Variants in TMEM163 observed in about 807,000 individuals in gnomAD.
The protein encoded by TMEM163 is transmembrane protein 163.
Under a neutral mutation model 29.3 loss-of-function variants are expected in TMEM163, and 17 were observed. The ratio of observed to expected loss-of-function variants is 0.58; its 90% CI spans 0.40 to 0.87. TMEM163 has a LOEUF of 0.87. Among genes scored for constraint, TMEM163 ranks in the 40% least tolerant of loss-of-function variants. TMEM163 has a pLI of 0.00. For synonymous variants in TMEM163, 157 were observed against 160.6 expected, an observed-to-expected ratio of 0.98 and a Z score of 0.17; for missense variants, 303 against 381.5, an observed-to-expected ratio of 0.79 and a Z score of 1.71.
At chr2:134,507,856 CACACACACACACACACAG>C (rs1221555172) in intron 4 of TMEM163, among the ~76,000 whole-genome samples, 1 of 144,720 alleles carries the variant, frequency 6.9e-6, no homozygotes, top group African/African-American at 2.5e-5. Context: ...GACCCTGTCT[CACACACACACACACACAG>C]ACACACACAC....
chr2:134,715,509 G>T (rs1472554172), intron 1 of TMEM163, among the ~76,000 whole-genome samples: 1 of 152,286 alleles, frequency 6.6e-6, no homozygotes, highest in South Asian at 2.1e-4. Context: ...AAAAATGGAA[G>T]GACTTTCCCA....
At chr2:134,648,302 C>CT (rs1683381581) in intron 2 of TMEM163, among the ~76,000 whole-genome samples, 1 of 142,802 alleles carries the variant, frequency 7.0e-6, no homozygotes, top group Non-Finnish European at 1.5e-5. Context: ...CTCACTGCTT[C>CT]TCCTCTTCTC....
At chr2:134,546,445 C>A (rs986146193) in intron 4 of TMEM163, among the ~76,000 whole-genome samples, 3 of 152,176 alleles carry the variant, frequency 2.0e-5, no homozygotes, top group Admixed American at 2.0e-4. Context: ...AGTTCAAGAC[C>A]AGCCTGGCCA....
At chr2:134,594,620 A>G (rs535964516) in intron 2 of TMEM163, among the ~76,000 whole-genome samples, 1 of 152,350 alleles carries the variant, frequency 6.6e-6, no homozygotes, top group South Asian at 2.1e-4. Flanking sequence ...GCAGAACTGT[A>G]GATCAGGGAG....
intron 2 of TMEM163, among the ~76,000 whole-genome samples, chr2:134,584,363 T>C (rs1156261560): frequency 6.6e-6 from 1 of 152,156 alleles, no homozygotes; most frequent in Non-Finnish European, 1.5e-5. Flanking sequence ...AGCCATGGTG[T>C]CTGAAGCAAC....
In TMEM163 at chr2:134,545,071, T is replaced by C. The variant is rs572347663; in HGVS notation, c.458+5499A>G. 2.4e-4 allele frequency among the ~76,000 whole-genome samples: 37 copies of C among 152,304 alleles called. No individual in the cohort carries two copies. The South Asian group carries it at 3.9e-3, about 16-fold the overall frequency. On this transcript the variant is annotated intron_variant, in intron 4 of 7. Transcript: ENST00000281924. The stretch of plus-strand genomic sequence containing the variant: ...AGTGTGTGTGGATGCAAACCTCTTT[T>C]GTTAAAACAAATGAGAAAAAACCAC...
chr2:134,574,540 A>C (rs1681503661), intron 2 of TMEM163, among the ~76,000 whole-genome samples: 1 of 152,210 alleles, frequency 6.6e-6, no homozygotes, highest in East Asian at 1.9e-4. Context: ...AGCCTGGGCA[A>C]CAAGAGAGAA....
intron 7 of TMEM163, 124 bp from the exon 8 acceptor site, chr2:134,456,900 C>T (rs1421959091): frequency 2.2e-5 from 22 of 1,020,760 alleles, no homozygotes; most frequent in South Asian, 1.3e-4. Context: ...CTATGTGGCT[C>T]GGTGGTTTTT....
intron 5 of TMEM163, among the ~76,000 whole-genome samples, chr2:134,477,678 A>T (rs1447606072): frequency 6.6e-6 from 1 of 152,240 alleles, no homozygotes; most frequent in Non-Finnish European, 1.5e-5. Flanking sequence ...AGGCCTAGAA[A>T]GTAAGATTTT....
At chr2:134,630,359 A>T (rs367798409) in intron 2 of TMEM163, among the ~76,000 whole-genome samples, 1 of 11,400 alleles carries the variant, frequency 8.8e-5, no homozygotes, top group African/African-American at 7.8e-4. Context: ...ATTTCCAAAA[A>T]GAAAAAAAAA....
chr2:134,716,650 CT>C lies in TMEM163; in HGVS notation c.202+2083del, dbSNP rs546072999. 4.6e-5 allele frequency among the ~76,000 whole-genome samples: 7 copies of C among 152,286 alleles called. No homozygotes were observed. In the East Asian group the frequency reaches 1.2e-3, roughly 25 times the overall value. On this transcript the variant is annotated intron_variant, in intron 1 of 7. Transcript: ENST00000281924. ...TGGGGCTTCCTCCTCCCCAATTCCT[CT>C]CACCAGCAGGAAAGAGGTAGCTGCA... is the stretch of plus-strand genomic sequence containing the variant.
At chr2:134,683,038 T>A (rs1684280647) in intron 2 of TMEM163, among the ~76,000 whole-genome samples, 2 of 152,286 alleles carry the variant, frequency 1.3e-5, no homozygotes, top group African/African-American at 4.8e-5. Context: ...TACTGTATGA[T>A]TTCAACTGTA....
At chr2:134,610,782 T>G (rs747181283) in intron 2 of TMEM163, among the ~76,000 whole-genome samples, 1 of 152,192 alleles carries the variant, frequency 6.6e-6, no homozygotes, top group African/African-American at 2.4e-5. Context: ...GCTCCCCTGA[T>G]GAATCTTTCT....
chr2:134,690,048 A>C lies in TMEM163; in HGVS notation c.322+23152T>G, dbSNP rs554421996. Among the ~76,000 whole-genome samples the C allele has an allele frequency of 2.8e-4, 43 of 152,190 alleles. No individual in the cohort carries two copies. In the South Asian group the frequency reaches 8.9e-3, roughly 32 times the overall value. Reference sequence around the variant, plus strand: ...TAGGTTCAAGCAACTCTCGTGCCTCAGCCTCTGAAATAGCTGGGACTACAG... The same window carrying C: ...TAGGTTCAAGCAACTCTCGTGCCTCCGCCTCTGAAATAGCTGGGACTACAG... On this transcript the variant is annotated intron_variant, in intron 2 of 7. Transcript: ENST00000281924.
In TMEM163 at chr2:134,460,844, A is replaced by G. The variant is rs574254665; in HGVS notation, c.668-2671T>C. On this transcript the variant is annotated intron_variant, in intron 6 of 7. Transcript: ENST00000281924. This position sits in a 1 kb window ranked among gnomAD's most constrained non-coding sequence, Gnocchi z 4.3. ...GCTGAGAGGCTGGTGGCAGGGGCAC[A>G]TGTTTGCTGCTTCTTCTAGGAGGAG... is the stretch of plus-strand genomic sequence containing the variant. 1.3e-5 allele frequency among the ~76,000 whole-genome samples: 2 copies of G among 152,294 alleles called. No homozygotes were observed. The highest frequency in any genetic ancestry group is 2.9e-5 in the Non-Finnish European group (2 of 68,018).
intron 4 of TMEM163, among the ~76,000 whole-genome samples, chr2:134,516,388 C>G (rs1680056795): frequency 6.6e-6 from 1 of 151,824 alleles, no homozygotes; most frequent in Non-Finnish European, 1.5e-5. Flanking sequence ...TGGTGAAACC[C>G]CATCTCTACT....
intron 2 of TMEM163, among the ~76,000 whole-genome samples, chr2:134,629,186 T>C (rs1221094438): frequency 6.6e-6 from 1 of 152,146 alleles, no homozygotes; most frequent in African/African-American, 2.4e-5. Context: ...CACAGACAGG[T>C]TAAGTAATGG....
chr2:134,544,758 G>A (rs1002624794), intron 4 of TMEM163, among the ~76,000 whole-genome samples: 3 of 151,668 alleles, frequency 2.0e-5, no homozygotes, highest in Non-Finnish European at 2.9e-5. Context: ...TCATCCCACT[G>A]CACTCCAGCC....
intron 2 of TMEM163, among the ~76,000 whole-genome samples, chr2:134,591,174 C>A (rs1188592802): frequency 6.6e-6 from 1 of 152,190 alleles, no homozygotes; most frequent in African/African-American, 2.4e-5. Context: ...AAGTGACAAC[C>A]CTCTTCCAGT....
Sources: gnomAD v4.1 joint callset for allele counts (sites outside exome capture counted in the v4.1 genomes callset) on GRCh38, gnomAD v4.1.1 for gene constraint, Gnocchi (gnomAD v3.1) non-coding constraint, MANE v1.5 for transcripts, NCBI Gene and HGNC (gene_info 2026-07-23, HGNC 2026-07-21) for gene names.